ACTR2: variants seen among roughly 807,000 people sequenced by gnomAD.
The protein encoded by ACTR2 is actin related protein 2.
A neutral mutation model predicts 50.2 loss-of-function variants in ACTR2; 5 were observed. That is an observed-to-expected ratio of 0.10 (90% CI 0.05 to 0.21). The LOEUF (loss-of-function observed/expected upper bound fraction) is 0.21, where lower values mean the gene tolerates loss of function less well. Among genes scored for constraint, ACTR2 ranks in the 10% least tolerant of loss-of-function variants. The pLI is 1.00. For missense variants in ACTR2, 180 were observed against 480.6 expected, an observed-to-expected ratio of 0.37 and a Z score of 5.85; for synonymous variants, 140 against 162.9, an observed-to-expected ratio of 0.86 and a Z score of 1.07.
In ACTR2 at chr2:65,270,204, T is replaced by G. The variant is rs1011390402; in HGVS notation, c.*1470T>G. ...TATTTTTCTTCATTTTAAAACTTTT[T>G]TTTAACTAATAATAGCTTTGAAAGA... On this transcript the variant is annotated 3_prime_UTR_variant, in exon 9 of 9. Transcript: ENST00000260641. 6.6e-6 allele frequency: 1 copy of G among 152,656 alleles called. No homozygotes were observed. Among genetic ancestry groups the G allele is most frequent in the African/African-American group, 2.4e-5 (1 of 41,462 alleles). 9.5% of individuals were successfully genotyped at this position (152,656 alleles called of 1,614,324 possible). A position where few individuals can be genotyped will look rare whatever the true frequency, so the allele number is the denominator to read the frequency against.
At chr2:65,234,585 CT>C (rs1277837982) in intron 1 of ACTR2, among the ~76,000 whole-genome samples, 1 of 152,150 alleles carries the variant, frequency 6.6e-6, no homozygotes, top group Non-Finnish European at 1.5e-5. Context: ...AATTGGAAGA[CT>C]TTGAGTGATG....
rs1328064639 is a variant in ACTR2 at position 65,268,707 on chromosome 2, A to G, written c.1158A>G (p.Leu386=). The G allele has an allele frequency of 1.2e-6, 2 of 1,613,730 alleles. No homozygotes were observed. The highest frequency in any genetic ancestry group is 1.7e-6 in the Non-Finnish European group (2 of 1,179,696). ...QEYQEKGVRV[L]EKLGVTVR ...ACCAAGAAAAGGGTGTCCGTGTGCT[A>G]GAGAAACTTGGTGTGACTGTTCGAT... Residue 386 remains leucine (L), a synonymous_variant, in exon 9 of 9, where the codon CTA becomes CTG. Coordinates refer to ENST00000260641, the MANE Select transcript of ACTR2 (RefSeq NM_005722.4).
At chr2:65,237,338 A>G (rs995228130) in intron 1 of ACTR2, among the ~76,000 whole-genome samples, 1 of 151,814 alleles carries the variant, frequency 6.6e-6, no homozygotes, top group Non-Finnish European at 1.5e-5. Flanking sequence ...GGCTCAAGTG[A>G]TCCTCCCACC....
At chr2:65,262,576 T>C (rs1026900144) in intron 7 of ACTR2, among the ~76,000 whole-genome samples, 1 of 152,148 alleles carries the variant, frequency 6.6e-6, no homozygotes, top group Non-Finnish European at 1.5e-5. Context: ...AATTTCCCTC[T>C]CTGGCAATTG....
At chr2:65,228,082 GC>G in intron 1 of ACTR2, 125 bp downstream of exon 1, 1 of 869,958 alleles carries the variant, frequency 1.1e-6, no homozygotes, top group Non-Finnish European at 1.6e-6. Context: ...GCGGGGCGGT[GC>G]CTCCCACCTC....
At chr2:65,241,744 T>C (rs114238422) in intron 2 of ACTR2, among the ~76,000 whole-genome samples, 2,685 of 152,320 alleles carry the variant, frequency 0.018, 82 homozygotes, top group African/African-American at 0.061. Flanking sequence ...AGAAGCTTAC[T>C]TTTTGGAATT....
intron 2 of ACTR2, among the ~76,000 whole-genome samples, chr2:65,243,591 T>G (rs1671881516): frequency 6.6e-6 from 1 of 152,206 alleles, no homozygotes; most frequent in Non-Finnish European, 1.5e-5. Context: ...ACAGGGCCAC[T>G]GCACTCCAGC....
At chr2:65,253,942 T>G in intron 5 of ACTR2, 78 bp downstream of exon 5, 6 of 1,285,354 alleles carry the variant, frequency 4.7e-6, no homozygotes, top group Non-Finnish European at 5.4e-6. Flanking sequence ...AATCTATCGT[T>G]TTAGGATTCC....
intron 1 of ACTR2, among the ~76,000 whole-genome samples, chr2:65,237,242 C>T (rs1671756426): frequency 6.6e-6 from 1 of 152,112 alleles, no homozygotes. Context: ...CTTGCAATGT[C>T]TGCTCTTACT....
At chr2:65,231,628 A>G (rs1671638822) in intron 1 of ACTR2, among the ~76,000 whole-genome samples, 1 of 152,098 alleles carries the variant, frequency 6.6e-6, no homozygotes, top group African/African-American at 2.4e-5. Flanking sequence ...TGAGGCCAAG[A>G]GTTTGAGACT....
chr2:65,240,017 A>T, intron 2 of ACTR2, 55 bp downstream of exon 2: 2 of 1,228,304 alleles, frequency 1.6e-6, no homozygotes, highest in Non-Finnish European at 2.4e-6. Context: ...TGTTCTTATA[A>T]AAGTAGTTTA....
intron 2 of ACTR2, among the ~76,000 whole-genome samples, chr2:65,243,478 T>A (rs908188486): frequency 1.3e-5 from 2 of 151,940 alleles, no homozygotes; most frequent in African/African-American, 2.4e-5. Flanking sequence ...GAAAGTTTTT[T>A]AAAAAGTAAC....
intron 1 of ACTR2, among the ~76,000 whole-genome samples, chr2:65,236,492 G>A (rs1671742684): frequency 6.6e-6 from 1 of 152,148 alleles, no homozygotes; most frequent in South Asian, 2.1e-4. Context: ...ATAAGATCTT[G>A]CTAAGTTTTA....
rs1462059757 is a variant in ACTR2, at chr2:65,265,157, T to A, written c.996T>A (p.Gly332=). The part of the protein sequence containing the change: ...KQLYLERVLK[G]DVEKLSKFKI... ...TTTACTTAGAACGAGTTTTGAAGGG[T>A]GATGTGGAAAAACTTTCTGTAAGTA... is the stretch of plus-strand genomic sequence containing the variant. Residue 332 remains glycine, a synonymous_variant, in exon 8 of 9, where the codon GGT becomes GGA. Transcript: ENST00000260641. 1.9e-6 allele frequency: 3 copies of A among 1,614,022 alleles called. No individual in the cohort carries two copies. Among genetic ancestry groups the A allele is most frequent in the Non-Finnish European group, 2.5e-6 (3 of 1,180,026 alleles).
At chr2:65,239,481 A>G (rs776045768) in intron 1 of ACTR2, among the ~76,000 whole-genome samples, 5 of 152,302 alleles carry the variant, frequency 3.3e-5, no homozygotes, top group Admixed American at 3.3e-4. Context: ...AAACCTTAGC[A>G]TTTGTTCAGC....
At chr2:65,255,907 T>C (rs1672141086) in intron 6 of ACTR2, among the ~76,000 whole-genome samples, 1 of 152,230 alleles carries the variant, frequency 6.6e-6, no homozygotes, top group Admixed American at 6.5e-5. Context: ...GAATCATAAA[T>C]TACTCTCTAT....
chr2:65,245,023 T>G (rs528203240), intron 2 of ACTR2, among the ~76,000 whole-genome samples: 1 of 152,084 alleles, frequency 6.6e-6, no homozygotes, highest in Non-Finnish European at 1.5e-5. Context: ...GTAAATGAAC[T>G]TCATAAGAAA....
intron 1 of ACTR2, among the ~76,000 whole-genome samples, chr2:65,230,981 G>A (rs2103978198): frequency 6.6e-6 from 1 of 151,608 alleles, no homozygotes; most frequent in South Asian, 2.1e-4. Flanking sequence ...TTGTACCTGG[G>A]AGGCAGAGGT....
At chr2:65,232,754 A>G (rs536774799) in intron 1 of ACTR2, among the ~76,000 whole-genome samples, 1 of 152,308 alleles carries the variant, frequency 6.6e-6, no homozygotes, top group African/African-American at 2.4e-5. Flanking sequence ...TATTCTTACC[A>G]TTTGATGACT....
Sources: gnomAD v4.1 joint callset for allele counts (sites outside exome capture counted in the v4.1 genomes callset) on GRCh38, gnomAD v4.1.1 for gene constraint, MANE v1.5 for transcripts, NCBI Gene and HGNC (gene_info 2026-07-23, HGNC 2026-07-21) for gene names.